Variants in CWC15 observed in about 807,000 individuals in gnomAD.
CWC15 encodes CWC15 spliceosome associated protein, also known as spliceosome-associated protein CWC15 homolog.
CWC15 carries 12 observed loss-of-function variants against 28.4 expected under a neutral mutation model. The observed-to-expected ratio is 0.42, with a 90% CI of 0.27 to 0.69. The LOEUF is 0.69. CWC15 is among the 30% of genes least tolerant of loss of function. CWC15 has a pLI of 0.23. For missense variants in CWC15, 192 were observed against 271.5 expected (o/e 0.71, Z 2.06); for synonymous variants, 92 against 88.4 (o/e 1.04, Z -0.23).
chr11:94,971,016 A>T lies in CWC15; in HGVS notation c.294T>A (p.Ile98=). The stretch of plus-strand genomic sequence containing the variant: ...CATCTGCATCAAGGTTGGCGGCAGG[A>T]ATCTGGTCTAACCGTGGCTTTTTTG... ...SVSKKPRLDQ[I]PAANLDADDP... Residue 98 remains isoleucine (I), a synonymous_variant, in exon 4 of 7, where the codon ATT becomes ATA. Transcript: ENST00000279839. 6.2e-7 allele frequency: 1 copy of T among 1,613,882 alleles called. No homozygotes were observed. Among genetic ancestry groups the T allele is most frequent in the Non-Finnish European group, 8.5e-7 (1 of 1,179,780 alleles).
At chr11:94,967,217 G>A (rs11020987) in intron 5 of CWC15, among the ~76,000 whole-genome samples, 39,231 of 151,794 alleles carry the variant, frequency 0.26, 5,768 homozygotes, top group East Asian at 0.68. Context: ...TAGTAGAGAC[G>A]TCATTTCACC....
intron 5 of CWC15, among the ~76,000 whole-genome samples, chr11:94,966,749 A>G (rs1456548376): frequency 6.6e-6 from 1 of 152,134 alleles, no homozygotes; most frequent in Non-Finnish European, 1.5e-5. Flanking sequence ...TTAAATTTTA[A>G]GCATATATCA....
At chr11:94,965,609 T>C (rs1034230896) in intron 6 of CWC15, among the ~76,000 whole-genome samples, 5 of 152,232 alleles carry the variant, frequency 3.3e-5, no homozygotes, top group Non-Finnish European at 7.3e-5. Flanking sequence ...ACTGAACACC[T>C]ACTATCCTTT....
chr11:94,972,801 T>C (rs146482519), intron 1 of CWC15, among the ~76,000 whole-genome samples: 1 of 152,286 alleles, frequency 6.6e-6, no homozygotes, highest in Admixed American at 6.5e-5. Context: ...TGAGCCAATT[T>C]TCTCCTACAA....
At chr11:94,969,884 G>T in intron 5 of CWC15, 105 bp downstream of exon 5, 1 of 575,460 alleles carries the variant, frequency 1.7e-6, no homozygotes, top group Non-Finnish European at 2.9e-6. Context: ...TTTAGACACG[G>T]TAAAGGAGAT....
In CWC15 at chr11:94,972,053, A is replaced by G. The variant is rs1857729634; in HGVS notation, c.131+2T>C. 1.9e-6 allele frequency: 3 copies of G among 1,609,050 alleles called. No homozygotes were observed. The Admixed American group carries it at 5.1e-5, about 27-fold the overall frequency. On this transcript the variant is annotated splice_donor_variant, in intron 2 of 6. Coordinates refer to ENST00000279839, the MANE Select transcript of CWC15 (RefSeq NM_016403.4). LOFTEE classifies it high-confidence loss of function. ...AACAATAAAAAAAGAAAGTCTTACTACCTGTATTTTATCTTTGTATGAGAG... is the reference window on the plus strand; with the variant it reads ...AACAATAAAAAAAGAAAGTCTTACTGCCTGTATTTTATCTTTGTATGAGAG...
intron 2 of CWC15, 63 bp downstream of exon 2, chr11:94,971,992 G>C: frequency 6.9e-7 from 1 of 1,444,158 alleles, no homozygotes; most frequent in Non-Finnish European, 9.5e-7. Flanking sequence ...ACTATATCAT[G>C]ACCATGCCAT....
intron 5 of CWC15, among the ~76,000 whole-genome samples, chr11:94,967,536 G>A (rs1479227652): frequency 6.6e-6 from 1 of 152,162 alleles, no homozygotes; most frequent in Non-Finnish European, 1.5e-5. Flanking sequence ...ATTTTGCTGT[G>A]TTTTGGGGAT....
At position 94,971,430 on chromosome 11, in the gene CWC15, C is replaced by T. The variant is rs1555096214; in HGVS notation, c.189G>A (p.Leu63=). ...TTGCAGCAGCTCTCTCTCTTTCTTCCAACTCTCTCCTGAAGTCACGGTTAC... is the reference window on the plus strand; with the variant it reads ...TTGCAGCAGCTCTCTCTCTTTCTTCTAACTCTCTCCTGAAGTCACGGTTAC... ...EVRNRDFRRE[L]EERERAAARE... is the part of the protein sequence containing the mutation. Residue 63 remains leucine, a synonymous_variant, in exon 3 of 7, where the codon TTG becomes TTA. Coordinates refer to ENST00000279839, the MANE Select transcript of CWC15 (RefSeq NM_016403.4). The T allele has an allele frequency of 6.2e-7, 1 of 1,612,850 alleles. No individual in the cohort carries two copies. The highest frequency in any genetic ancestry group is 1.7e-5 in the Admixed American group (1 of 59,920).
At chr11:94,967,653 CTTCAT>C (rs1476194139) in intron 5 of CWC15, among the ~76,000 whole-genome samples, 6 of 152,102 alleles carry the variant, frequency 3.9e-5, no homozygotes, top group Non-Finnish European at 7.4e-5. Context: ...GTTACTGATA[CTTCAT>C]TTCAATATTC....
At chr11:94,965,552 G>C (rs868940007) in intron 6 of CWC15, among the ~76,000 whole-genome samples, 3 of 151,872 alleles carry the variant, frequency 2.0e-5, no homozygotes, top group African/African-American at 7.3e-5. Flanking sequence ...TTGGATCTAA[G>C]AAATCTTCTG....
intron 6 of CWC15, among the ~76,000 whole-genome samples, chr11:94,965,838 GTGTGTGTCTTTTCCCTTTATAATCTAGC>G (rs1555095151): frequency 6.6e-6 from 1 of 152,020 alleles, no homozygotes; most frequent in East Asian, 1.9e-4. Context: ...TCTATTCTCT[GTGTGTGTCTTTTCCCTTTATAATCTAGC>G]TGTGTGTCTT....
chr11:94,965,613 A>G (rs1273192061), intron 6 of CWC15, among the ~76,000 whole-genome samples: 4 of 152,198 alleles, frequency 2.6e-5, no homozygotes, highest in African/African-American at 9.7e-5. Context: ...AACACCTACT[A>G]TCCTTTTAGG....
chr11:94,963,309 G>GAAAA lies in CWC15; in HGVS notation c.*72_*75dup. Reference sequence around the variant, plus strand: ...CACACACAATTTAGACAGGGGAAAAGAAAAAAAAAACTCATAAAAAAAGTC... The same window carrying GAAAA: ...CACACACAATTTAGACAGGGGAAAAGAAAAAAAAAAAAAACTCATAAAAAAAGTC... On this transcript the variant is annotated 3_prime_UTR_variant, in exon 7 of 7. Transcript: ENST00000279839. The GAAAA allele has an allele frequency of 8.1e-6, 9 of 1,110,254 alleles. No homozygotes were observed. Among genetic ancestry groups the GAAAA allele is most frequent in the Middle Eastern group, 2.8e-4 (1 of 3,594 alleles). 68.8% of individuals were successfully genotyped at this position (1,110,254 alleles called of 1,614,324 possible). A position where few individuals can be genotyped will look rare whatever the true frequency, so the allele number is the denominator to read the frequency against.
rs782716652 is a variant in CWC15, at chr11:94,971,060, T to C, written c.250A>G (p.Thr84Ala). 1 of 1,613,336 alleles carries C rather than the reference T, an allele frequency of 6.2e-7. No homozygotes were observed. The highest frequency in any genetic ancestry group is 2.2e-5 in the East Asian group (1 of 44,868). Residue 84 changes from threonine to alanine, a missense_variant, in exon 4 of 7, where the codon ACA becomes GCA. This residue lies in a region of CWC15 where 188 missense variants were observed against 250.3 expected (regional missense o/e 0.75). Transcript: ENST00000279839. Reference sequence around the variant, plus strand: ...TTTTTTGACACTGAAGAGGAGGTTGTATGTTCTGGGGGGAAACAAAAATCA... The same window carrying C: ...TTTTTTGACACTGAAGAGGAGGTTGCATGTTCTGGGGGGAAACAAAAATCA... ...KNRDRPTREH[T>A]TSSSVSKKPR...
Position 94,972,125 on chromosome 11 carries a change from C to T in CWC15, c.61G>A (p.Gly21Ser), listed in dbSNP as rs1555096325. ...TGCTTTGAAAGTTGGCTCAAATCAC[C>T]TTCTCCTTTTCCCCTTCCACCTCTG... ...PARGGRGKGEGDLSQLSKQYS... is the reference protein window; with the variant it reads ...PARGGRGKGESDLSQLSKQYS... Residue 21 changes from glycine to serine, a missense_variant, in exon 2 of 7, where the codon GGT (glycine) becomes AGT (serine). Gly to Ser is a moderately conservative substitution (Grantham distance 56). Coordinates refer to ENST00000279839, the MANE Select transcript of CWC15 (RefSeq NM_016403.4). 6.2e-7 allele frequency: 1 copy of T among 1,613,854 alleles called. No homozygotes were observed. The highest frequency in any genetic ancestry group is 2.2e-5 in the East Asian group (1 of 44,864).
At chr11:94,963,650 C>T in intron 6 of CWC15, 136 bp from the exon 7 acceptor site, 1 of 589,328 alleles carries the variant, frequency 1.7e-6, no homozygotes, top group Admixed American at 4.2e-5. Flanking sequence ...CAATTACACT[C>T]AAAAGAATAA....
At chr11:94,966,212 T>TACACATACACATATACACACAC (rs1857637525) in intron 6 of CWC15, 83 bp downstream of exon 6, 1 of 813,526 alleles carries the variant, frequency 1.2e-6, no homozygotes, top group African/African-American at 2.0e-5. Flanking sequence ...CCTGTGTGTA[T>TACACATACACATATACACACAC]ACACATACAC....
At position 94,966,224 on chromosome 11, in the gene CWC15, T is replaced by TACACACACACACACACAC. The variant is rs1447749262; in HGVS notation, c.560+70_560+71insGTGTGTGTGTGTGTGTGT. 1.4e-5 allele frequency: 10 copies of TACACACACACACACACAC among 732,242 alleles called. No homozygotes were observed. In the African/African-American group the frequency reaches 2.4e-4, roughly 17 times the overall value. The allele number at this position is 732,242 out of a possible 1,614,324, so 45.4% of individuals were successfully genotyped here. On this transcript the variant is annotated intron_variant, in intron 6 of 6. Transcript: ENST00000279839. Reference sequence around the variant, plus strand: ...ATGCCTGTGTGTATACACATACACATATACACACACACACACACACACACA... The same window carrying TACACACACACACACACAC: ...ATGCCTGTGTGTATACACATACACATACACACACACACACACACATACACACACACACACACACACACA...
Sources: gnomAD v4.1 joint callset for allele counts (sites outside exome capture counted in the v4.1 genomes callset) on GRCh38, gnomAD v4.1.1 for gene constraint, gnomAD v4.1.1 regional missense constraint, MANE v1.5 for transcripts, NCBI Gene and HGNC (gene_info 2026-07-23, HGNC 2026-07-21) for gene names.